The following ARL15 variants were observed in gnomAD, a reference collection of about 807,000 sequenced individuals.
ARL15 encodes the protein ARF like GTPase 15.
ARL15 carries 19 observed loss-of-function variants against 25.2 expected under a neutral mutation model. The observed-to-expected ratio is 0.75, with a 90% CI of 0.53 to 1.10. The LOEUF (loss-of-function observed/expected upper bound fraction) is 1.10. Among genes scored for constraint, ARL15 ranks in the 50% least tolerant of loss-of-function variants. The pLI is 0.00. For synonymous variants in ARL15, 94 were observed against 86.8 expected, an observed-to-expected ratio of 1.08 and a Z score of -0.46; for missense variants, 220 against 246.0, an observed-to-expected ratio of 0.89 and a Z score of 0.71.
At chr5:54,021,527 A>T (rs956353021) in intron 4 of ARL15, among the ~76,000 whole-genome samples, 1 of 152,224 alleles carries the variant, frequency 6.6e-6, no homozygotes, top group Non-Finnish European at 1.5e-5. Flanking sequence ...CGAAAACAAA[A>T]GAATCAGCGT....
chr5:54,016,977 C>G (rs986304932), intron 4 of ARL15, among the ~76,000 whole-genome samples: 1 of 152,170 alleles, frequency 6.6e-6, no homozygotes, highest in African/African-American at 2.4e-5. Flanking sequence ...CAAAGAAAAG[C>G]AAAGACAACA....
At chr5:53,905,815 T>A (rs1745232571) in intron 4 of ARL15, among the ~76,000 whole-genome samples, 1 of 152,340 alleles carries the variant, frequency 6.6e-6, no homozygotes, top group African/African-American at 2.4e-5. Context: ...AGAAGGTAAG[T>A]GTTAATAACA....
chr5:54,230,346 G>GAAAAAAAAAAAAAAAGAAAAAGAAAA (rs1756633363), intron 1 of ARL15, among the ~76,000 whole-genome samples: 1 of 91,854 alleles, frequency 1.1e-5, no homozygotes, highest in Non-Finnish European at 2.1e-5. Context: ...TTCCATCTCA[G>GAAAAAAAAAAAAAAAGAAAAAGAAAA]AAAAAAAAAA....
chr5:54,104,604 A>G (rs1343100865), intron 4 of ARL15, among the ~76,000 whole-genome samples: 3 of 152,076 alleles, frequency 2.0e-5, no homozygotes, highest in African/African-American at 7.2e-5. Context: ...CATTTTTATA[A>G]TAGGAACTAA....
intron 4 of ARL15, among the ~76,000 whole-genome samples, chr5:53,993,185 T>C (rs547071557): frequency 8.5e-5 from 13 of 152,360 alleles, no homozygotes; most frequent in African/African-American, 2.9e-4. Flanking sequence ...ACAGTGCAGA[T>C]TGTTAATGAT....
intron 4 of ARL15, among the ~76,000 whole-genome samples, chr5:53,968,871 G>A (rs141498982): frequency 6.6e-6 from 1 of 151,746 alleles, no homozygotes; most frequent in Non-Finnish European, 1.5e-5. Context: ...TTTAAAATAC[G>A]CAGGCTGGGC....
intron 1 of ARL15, among the ~76,000 whole-genome samples, chr5:54,246,137 ACT>A (rs1491232463): frequency 1.2e-5 from 1 of 83,072 alleles, no homozygotes; most frequent in Non-Finnish European, 3.1e-5. Flanking sequence ...ATCTTCACTC[ACT>A]TTTTTTTTTT....
intron 1 of ARL15, among the ~76,000 whole-genome samples, chr5:54,200,200 C>T (rs546574603): frequency 2.0e-5 from 3 of 150,698 alleles, no homozygotes; most frequent in African/African-American, 4.9e-5. Flanking sequence ...TGCTAGATGA[C>T]GAGTTAGTGG....
intron 1 of ARL15, among the ~76,000 whole-genome samples, chr5:54,299,158 T>A (rs188726559): frequency 6.6e-5 from 10 of 152,236 alleles, no homozygotes; most frequent in African/African-American, 2.2e-4. Flanking sequence ...CGCCTTGGCC[T>A]CCAAAAGTGC....
intron 1 of ARL15, among the ~76,000 whole-genome samples, chr5:54,305,568 ACTGAG>A (rs1488791815): frequency 3.3e-5 from 5 of 152,222 alleles, no homozygotes; most frequent in Admixed American, 6.5e-5. Context: ...CACAGATAGT[ACTGAG>A]CTATCATAGA....
intron 4 of ARL15, among the ~76,000 whole-genome samples, chr5:54,015,300 A>AAAAAAC (rs1425581526): frequency 6.6e-6 from 1 of 151,598 alleles, no homozygotes; most frequent in Non-Finnish European, 1.5e-5. Flanking sequence ...CTCAAAAAAA[A>AAAAAAC]AAAAACAAAA....
At chr5:53,949,020 T>A (rs1003595781) in intron 4 of ARL15, among the ~76,000 whole-genome samples, 1 of 152,208 alleles carries the variant, frequency 6.6e-6, no homozygotes, top group African/African-American at 2.4e-5. Flanking sequence ...GAAGTGTCCC[T>A]GATTGCAAAT....
At chr5:54,071,124 C>T (rs375077463) in intron 4 of ARL15, among the ~76,000 whole-genome samples, 39 of 151,094 alleles carry the variant, frequency 2.6e-4, no homozygotes, top group African/African-American at 9.2e-4. Context: ...GAGCCATGTT[C>T]GTGCCGCTGC....
intron 4 of ARL15, among the ~76,000 whole-genome samples, chr5:53,974,403 C>T (rs774825419): frequency 6.6e-6 from 1 of 152,188 alleles, no homozygotes; most frequent in African/African-American, 2.4e-5. Context: ...CTATAAAACA[C>T]GCCCTGCCCC....
chr5:54,090,385 T>C (rs2112141677), intron 4 of ARL15, among the ~76,000 whole-genome samples: 1 of 151,892 alleles, frequency 6.6e-6, no homozygotes, highest in South Asian at 2.1e-4. Context: ...ATTACATATA[T>C]TATTTGGAGA....
At chr5:54,159,582 T>C (rs1579859165) in intron 2 of ARL15, among the ~76,000 whole-genome samples, 1 of 152,208 alleles carries the variant, frequency 6.6e-6, no homozygotes, top group East Asian at 1.9e-4. Context: ...CAATCATCAA[T>C]GGCCTGTAGT....
At chr5:54,090,294 A>G (rs1213607805) in intron 4 of ARL15, among the ~76,000 whole-genome samples, 3 of 152,182 alleles carry the variant, frequency 2.0e-5, no homozygotes, top group Non-Finnish European at 4.4e-5. Context: ...TCAAAATAAT[A>G]ATGAACAAAA....
At chr5:53,909,435 G>A (rs1027025613) in intron 4 of ARL15, among the ~76,000 whole-genome samples, 1 of 152,144 alleles carries the variant, frequency 6.6e-6, no homozygotes, top group African/African-American at 2.4e-5. Context: ...GGCTGGGCAC[G>A]GTGGCTCACG....
intron 4 of ARL15, among the ~76,000 whole-genome samples, chr5:54,072,978 C>T (rs958614316): frequency 6.6e-6 from 1 of 152,150 alleles, no homozygotes; most frequent in African/African-American, 2.4e-5. Context: ...AATGTCTTTT[C>T]TAGACACTCA....
Sources: gnomAD v4.1 joint callset for allele counts (sites outside exome capture counted in the v4.1 genomes callset) on GRCh38, gnomAD v4.1.1 for gene constraint, MANE v1.5 for transcripts, NCBI Gene and HGNC (gene_info 2026-07-23, HGNC 2026-07-21) for gene names.